RTN4R: variants seen among roughly 807,000 people sequenced by gnomAD.
RTN4R encodes reticulon 4 receptor.
RTN4R carries 4 observed loss-of-function variants against 27.7 expected under a neutral mutation model. The observed-to-expected ratio is 0.14, with a 90% confidence interval of 0.07 to 0.33. The LOEUF (loss-of-function observed/expected upper bound fraction) is 0.33. Ranked by LOEUF, RTN4R falls within the 10% of genes least tolerant of loss-of-function variation. The probability of loss-of-function intolerance (pLI) is 1.00; values close to 1 mark genes in which losing one functional copy is unlikely to be tolerated. For missense variants in RTN4R, 554 were observed against 671.5 expected, an observed-to-expected ratio of 0.83 and a Z score of 1.93; for synonymous variants, 290 against 305.6, an observed-to-expected ratio of 0.95 and a Z score of 0.53.
At position 20,268,308 on chromosome 22, in the gene RTN4R, C is replaced by CCCGGGCGGGGGCTGGGG. The variant is rs1569044633; in HGVS notation, c.-217_-216insCCCCAGCCCCCGCCCGG. On this transcript the variant is annotated 5_prime_UTR_variant, in exon 1 of 2. Transcript: ENST00000043402. The stretch of plus-strand genomic sequence containing the variant: ...AGGGCGCACAGGGCGAGGGCGGCGG[C>CCCGGGCGGGGGCTGGGG]GGCGCGGGGGTTGGGGCGTGGGCGG... 3 of 906 alleles carry CCCGGGCGGGGGCTGGGG rather than the reference C, an allele frequency of 3.3e-3. No individual in the cohort carries two copies. The highest frequency in any genetic ancestry group is 4.3e-3 in the African/African-American group (1 of 234). 0.1% of individuals were successfully genotyped at this position (906 alleles called of 1,614,324 possible). A position where few individuals can be genotyped will look rare whatever the true frequency, so the allele number is the denominator to read the frequency against.
At position 20,241,774 on chromosome 22, in the gene RTN4R, G is replaced by A. The variant is rs1272590443; in HGVS notation, c.1359C>T (p.Leu453=). 5 of 1,556,226 alleles carry A rather than the reference G, an allele frequency of 3.2e-6. No homozygotes were observed. The highest frequency in any genetic ancestry group is 4.9e-5 in the East Asian group (2 of 41,160). Reference sequence around the variant, plus strand: ...GGCCCAGGGGGGTGAGGCTGCAGGTGAGGCTGGGTAGGGCACCTGAGCCTT... The same window carrying A: ...GGCCCAGGGGGGTGAGGCTGCAGGTAAGGCTGGGTAGGGCACCTGAGCCTT... ...DSEGSGALPS[L]TCSLTPLGLA... Residue 453 remains leucine (L), a synonymous_variant, in exon 2 of 2, where the codon CTC becomes CTT. Transcript: ENST00000043402.
intron 1 of RTN4R, among the ~76,000 whole-genome samples, chr22:20,253,693 T>A (rs368984894): frequency 2.6e-5 from 4 of 151,930 alleles, no homozygotes; most frequent in East Asian, 3.9e-4. Context: ...AAGCCGACAG[T>A]GTGGGAAAAA....
At chr22:20,251,880 T>C (rs199695324) in intron 1 of RTN4R, among the ~76,000 whole-genome samples, 71 of 5,428 alleles carry the variant, frequency 0.013, no homozygotes, top group East Asian at 0.022. Context: ...CCATCATCAC[T>C]ATCACTATCA....
chr22:20,262,647 C>A lies in RTN4R; in HGVS notation c.22+5424G>T, dbSNP rs552469903. Among the ~76,000 whole-genome samples the A allele has an allele frequency of 7.2e-5, 11 of 152,324 alleles. 1 individual carries two copies. Among genetic ancestry groups the A allele is most frequent in the Admixed American group, 3.3e-4 (5 of 15,306 alleles). On this transcript the variant is annotated intron_variant, in intron 1 of 1. Transcript: ENST00000043402. The stretch of plus-strand genomic sequence containing the variant: ...CACCCACTTCCTCCAGAGCCCCACA[C>A]CCCACACACTGAGGACTCTAGGCAT...
At chr22:20,249,235 C>T (rs746755779) in intron 1 of RTN4R, 22 of 532,122 alleles carry the variant, frequency 4.1e-5, no homozygotes, top group East Asian at 1.1e-4. Context: ...GACCGGTGGC[C>T]GGCCTGCTCC....
chr22:20,252,074 T>A (rs945912925), intron 1 of RTN4R, among the ~76,000 whole-genome samples: 1 of 135,386 alleles, frequency 7.4e-6, no homozygotes, highest in Non-Finnish European at 1.7e-5. Context: ...ACCATCACCA[T>A]CCTCATCATC....
chr22:20,249,246 C>A, intron 1 of RTN4R: 1 of 530,812 alleles, frequency 1.9e-6, no homozygotes, highest in East Asian at 5.5e-5. Flanking sequence ...GGCCTGCTCC[C>A]ACCCTGGGGA....
At chr22:20,257,872 T>G (rs2051220705) in intron 1 of RTN4R, among the ~76,000 whole-genome samples, 1 of 152,120 alleles carries the variant, frequency 6.6e-6, no homozygotes, top group African/African-American at 2.4e-5. Context: ...CTGCCCAACG[T>G]GATCGGCCCT....
At chr22:20,266,476 C>T (rs3852975) in intron 1 of RTN4R, among the ~76,000 whole-genome samples, 2,849 of 131,898 alleles carry the variant, frequency 0.022, 26 homozygotes, top group African/African-American at 0.074. Flanking sequence ...GAAACTGAGG[C>T]ACTGGAGGCG....
chr22:20,258,987 G>T (rs1293283660), intron 1 of RTN4R, among the ~76,000 whole-genome samples: 1 of 152,162 alleles, frequency 6.6e-6, no homozygotes, highest in Non-Finnish European at 1.5e-5. Context: ...TGGGGGTCAA[G>T]TGTGCACCGT....
intron 1 of RTN4R, among the ~76,000 whole-genome samples, chr22:20,244,959 T>C (rs1429020522): frequency 6.6e-6 from 1 of 152,044 alleles, no homozygotes; most frequent in Non-Finnish European, 1.5e-5. Context: ...CACTGAGCCA[T>C]GCCACCATCC....
intron 1 of RTN4R, among the ~76,000 whole-genome samples, chr22:20,257,243 C>T (rs931152146): frequency 5.9e-5 from 9 of 152,222 alleles, no homozygotes; most frequent in East Asian, 3.8e-4. Context: ...GCCAAGGGCA[C>T]GGTCTCTAAG....
chr22:20,248,408 A>C (rs2051154902), intron 1 of RTN4R, among the ~76,000 whole-genome samples: 2 of 152,244 alleles, frequency 1.3e-5, no homozygotes, highest in East Asian at 3.9e-4. Context: ...AGGGCACCTG[A>C]GAGGGTACAC....
At chr22:20,262,284 G>A (rs855054) in intron 1 of RTN4R, among the ~76,000 whole-genome samples, 73,838 of 151,860 alleles carry the variant, frequency 0.49, 18,612 homozygotes, top group East Asian at 0.89. Flanking sequence ...CAGGAGAGAT[G>A]CAGGGCACTA....
intron 1 of RTN4R, 61 bp downstream of exon 1, chr22:20,268,010 G>A (rs2051289521): frequency 2.9e-6 from 3 of 1,040,914 alleles, no homozygotes; most frequent in East Asian, 4.2e-5. Context: ...CGGGGAGGGG[G>A]CGAGCCGCCC....
intron 1 of RTN4R, among the ~76,000 whole-genome samples, chr22:20,251,352 G>A (rs1264970701): frequency 6.6e-6 from 1 of 152,104 alleles, no homozygotes; most frequent in African/African-American, 2.4e-5. Context: ...GAAAGGGAGT[G>A]CGGTCCCTCC....
intron 1 of RTN4R, among the ~76,000 whole-genome samples, chr22:20,245,880 T>C (rs2051137937): frequency 6.6e-6 from 1 of 152,160 alleles, no homozygotes; most frequent in African/African-American, 2.4e-5. Context: ...AGCCCTGCCA[T>C]GGCCCCAGCT....
intron 1 of RTN4R, among the ~76,000 whole-genome samples, chr22:20,266,199 G>A (rs2051275652): frequency 1.3e-5 from 2 of 152,178 alleles, no homozygotes; most frequent in African/African-American, 4.8e-5. Flanking sequence ...TGCTTCAGCT[G>A]CCCCTCTGCT....
chr22:20,248,690 C>T lies in RTN4R; in HGVS notation c.23-5580G>A, dbSNP rs775521514. Among the ~76,000 whole-genome samples the T allele has an allele frequency of 5.1e-4, 77 of 152,142 alleles. 4 individuals are homozygous for T. Among genetic ancestry groups the T allele is most frequent in the Non-Finnish European group, 1.3e-4 (9 of 68,004 alleles). On this transcript the variant is annotated intron_variant, in intron 1 of 1. Coordinates refer to ENST00000043402, the MANE Select transcript of RTN4R (RefSeq NM_023004.6). ...GGGCCAGCTGACCACGGGCAGCCACCCTGCTGCATGGCAGGTGCCCTATGG... is the reference window on the plus strand; with the variant it reads ...GGGCCAGCTGACCACGGGCAGCCACTCTGCTGCATGGCAGGTGCCCTATGG...
Sources: gnomAD v4.1 joint callset for allele counts (sites outside exome capture counted in the v4.1 genomes callset) on GRCh38, gnomAD v4.1.1 for gene constraint, MANE v1.5 for transcripts, NCBI Gene and HGNC (gene_info 2026-07-23, HGNC 2026-07-21) for gene names.